Variants in BCOR observed in about 807,000 individuals in gnomAD.
BCOR encodes the protein BCL6 corepressor.
Under a neutral mutation model 86.7 loss-of-function variants are expected in BCOR, and 10 were observed. That is an observed-to-expected ratio of 0.12 (90% confidence interval 0.07 to 0.20). The LOEUF (loss-of-function observed/expected upper bound fraction) is 0.20. Ranked by LOEUF, BCOR falls within the 10% of genes least tolerant of loss-of-function variation. The pLI is 1.00. For missense variants in BCOR, 1,259 were observed against 1,452.1 expected (o/e 0.87, Z 2.16); for synonymous variants, 611 against 609.0 (o/e 1.00, Z -0.05).
intron 1 of BCOR, among the ~76,000 whole-genome samples, chrX:40,094,375 G>C (rs1454115843): frequency 5.3e-5 from 6 of 112,714 alleles, no homozygotes; most frequent in African/African-American, 1.3e-4. Flanking sequence ...CACGGTTCAC[G>C]GCGGACAGAA....
At chrX:40,142,563 C>T (rs1409140099) in intron 1 of BCOR, among the ~76,000 whole-genome samples, 1 of 111,681 alleles carries the variant, frequency 9.0e-6, no homozygotes, top group Non-Finnish European at 1.9e-5. Flanking sequence ...TCTGTCCCCA[C>T]GGCCATTTAT....
At chrX:40,129,954 T>C (rs1320022772) in intron 1 of BCOR, among the ~76,000 whole-genome samples, 2 of 110,248 alleles carry the variant, frequency 1.8e-5, no homozygotes, top group Non-Finnish European at 3.8e-5. Context: ...GGCACGAGAA[T>C]TGTATGAACC....
chrX:40,147,482 G>C (rs893472458), intron 1 of BCOR, among the ~76,000 whole-genome samples: 2 of 112,617 alleles, frequency 1.8e-5, no homozygotes, highest in African/African-American at 6.4e-5. Context: ...AGGCGAGGTG[G>C]GGAGAAGGAG....
At position 40,065,739 on chromosome X, in the gene BCOR, C is replaced by A. The variant is rs149651337; in HGVS notation, c.3239-1140G>T. On this transcript the variant is annotated intron_variant, in intron 6 of 14. Coordinates refer to ENST00000378444, the MANE Select transcript of BCOR (RefSeq NM_001123385.2). Reference sequence around the variant, plus strand: ...TCAGCCCTTGGCCCGCTGAAATGATCCCTCTCATCACCAGGGTTATGAGTC... The same window carrying A: ...TCAGCCCTTGGCCCGCTGAAATGATACCTCTCATCACCAGGGTTATGAGTC... Among the ~76,000 whole-genome samples, 744 of 111,991 alleles carry A rather than the reference C, an allele frequency of 6.6e-3. 12 individuals carry two copies. Among genetic ancestry groups the A allele is most frequent in the African/African-American group, 0.022 (684 of 30,775 alleles).
At chrX:40,069,055 G>C (rs1935341333) in intron 6 of BCOR, among the ~76,000 whole-genome samples, 1 of 112,577 alleles carries the variant, frequency 8.9e-6, no homozygotes, top group South Asian at 3.6e-4. Context: ...CTGGGCCACA[G>C]TGACACCCAT....
At chrX:40,100,235 A>G (rs992642802), upstream of BCOR, among the ~76,000 whole-genome samples, 2 of 112,560 alleles carry the variant, frequency 1.8e-5, no homozygotes, top group Admixed American at 9.3e-5. Context: ...GAAGCTGGGT[A>G]TTTGTGGGGA....
At chrX:40,088,823 A>G (rs1936471472) in intron 1 of BCOR, among the ~76,000 whole-genome samples, 2 of 111,995 alleles carry the variant, frequency 1.8e-5, no homozygotes, top group South Asian at 7.4e-4. Context: ...TCTTCCAACC[A>G]GGTCTTGCCC....
chrX:40,165,777 C>T (rs1938498908), intron 1 of BCOR, among the ~76,000 whole-genome samples: 1 of 111,442 alleles, frequency 9.0e-6, no homozygotes, highest in African/African-American at 3.3e-5. Flanking sequence ...GATTATCTAT[C>T]TATCTATCTA....
chrX:40,169,497 G>T (rs1008904452), intron 1 of BCOR, among the ~76,000 whole-genome samples: 1 of 111,344 alleles, frequency 9.0e-6, no homozygotes, highest in South Asian at 3.7e-4. Context: ...AACAGTCTTG[G>T]TACCTCCTAA....
intron 1 of BCOR, among the ~76,000 whole-genome samples, chrX:40,093,991 C>T (rs915716416): frequency 1.8e-5 from 2 of 111,212 alleles, no homozygotes; most frequent in African/African-American, 6.6e-5. Context: ...GCCCGATGCA[C>T]CAAGATGTGA....
intron 1 of BCOR, among the ~76,000 whole-genome samples, chrX:40,126,062 A>C (rs1167982879): frequency 9.1e-6 from 1 of 110,153 alleles, no homozygotes; most frequent in Non-Finnish European, 1.9e-5. Flanking sequence ...AAAAAAATAC[A>C]AAAATTAGCT....
At chrX:40,118,414 C>T (rs770748816) in intron 1 of BCOR, among the ~76,000 whole-genome samples, 6 of 110,181 alleles carry the variant, frequency 5.4e-5, no homozygotes, top group Non-Finnish European at 1.9e-5. Flanking sequence ...AGGCGCCCAC[C>T]GCCGCACCTG....
Position 40,051,773 on chromosome X carries a change from T to A in BCOR, c.*336A>T, listed in dbSNP as rs183200536. The A allele has an allele frequency of 1.9e-5, 4 of 208,911 alleles. No homozygotes were observed. The highest frequency in any genetic ancestry group is 3.5e-5 in the Non-Finnish European group (4 of 114,781). The allele number at this position is 208,911 out of a possible 1,213,427, so 17.2% of individuals were successfully genotyped here. ...CATGGCCTGTCATCAGAGCTTTGTA[T>A]GAAATTAAGTCAAAGTGTGGAGCTC... On this transcript the variant is annotated 3_prime_UTR_variant, in exon 15 of 15. Coordinates refer to ENST00000378444, the MANE Select transcript of BCOR (RefSeq NM_001123385.2).
rs758942636 is a variant in BCOR at position 40,157,130 on chromosome X, G to A, written c.-41+19877C>T. ...AGGCCTGGCTCCAAAGGGCTGATGTGAACTTTTTCTTGTATCTGATTTTTT... is the reference window on the plus strand; with the variant it reads ...AGGCCTGGCTCCAAAGGGCTGATGTAAACTTTTTCTTGTATCTGATTTTTT... On this transcript the variant is annotated intron_variant, in intron 1 of 14. Coordinates refer to the BCOR transcript ENST00000342274. 2.6e-5 allele frequency among the ~76,000 whole-genome samples: 3 copies of A among 113,393 alleles called. No individual in the cohort carries two copies. The South Asian group carries it at 1.1e-3, about 40-fold the overall frequency.
intron 1 of BCOR, among the ~76,000 whole-genome samples, chrX:40,080,301 C>T (rs933253251): frequency 9.1e-6 from 1 of 109,564 alleles, no homozygotes; most frequent in African/African-American, 3.4e-5. Flanking sequence ...ATTAGCTGGG[C>T]GTGGTGGTGC....
intron 1 of BCOR, among the ~76,000 whole-genome samples, chrX:40,105,410 G>T (rs1937158288): frequency 8.9e-6 from 1 of 112,386 alleles, no homozygotes; most frequent in Admixed American, 9.2e-5. Context: ...CCCCAGGGCT[G>T]TTCCAGACGA....
At chrX:40,103,616 G>C (rs1394724164) in intron 1 of BCOR, among the ~76,000 whole-genome samples, 1 of 109,934 alleles carries the variant, frequency 9.1e-6, no homozygotes, top group Non-Finnish European at 1.9e-5. Context: ...TGTTGTACCA[G>C]AAAGGCCTGG....
intron 1 of BCOR, among the ~76,000 whole-genome samples, chrX:40,154,382 T>C (rs1373435880): frequency 8.9e-6 from 1 of 112,185 alleles, no homozygotes; most frequent in East Asian, 2.8e-4. Context: ...GGATCCTCCC[T>C]GCTCGCTCGC....
At chrX:40,147,631 G>A (rs747518646) in intron 1 of BCOR, among the ~76,000 whole-genome samples, 1 of 113,362 alleles carries the variant, frequency 8.8e-6, no homozygotes, top group South Asian at 3.6e-4. Flanking sequence ...GCGACCCGCC[G>A]ACCTAGGAGA....
Sources: gnomAD v4.1 joint callset for allele counts (sites outside exome capture counted in the v4.1 genomes callset) on GRCh38, gnomAD v4.1.1 for gene constraint, MANE v1.5 for transcripts, NCBI Gene and HGNC (gene_info 2026-07-23, HGNC 2026-07-21) for gene names.